The following INPP4B variants were observed in gnomAD, a reference collection of about 807,000 sequenced individuals.
INPP4B encodes inositol polyphosphate-4-phosphatase type II B.
A neutral mutation model predicts 122.5 loss-of-function variants in INPP4B; 55 were observed. That is an observed-to-expected ratio of 0.45 (90% CI 0.36 to 0.56). The LOEUF (loss-of-function observed/expected upper bound fraction) is 0.56. INPP4B is among the 20% of genes least tolerant of loss of function. The pLI is 0.00. For synonymous variants in INPP4B, 403 were observed against 388.7 expected (o/e 1.04, Z -0.43); for missense variants, 1,000 against 1,097.7 (o/e 0.91, Z 1.26).
At chr4:142,390,135 CAA>C (rs2148976129) in intron 7 of INPP4B, among the ~76,000 whole-genome samples, 1 of 152,138 alleles carries the variant, frequency 6.6e-6, no homozygotes, top group South Asian at 2.1e-4. Flanking sequence ...ACCATACGGT[CAA>C]ACTGATTAAG....
intron 2 of INPP4B, among the ~76,000 whole-genome samples, chr4:142,659,795 C>T (rs760777593): frequency 1.5e-4 from 23 of 152,304 alleles, no homozygotes; most frequent in Middle Eastern, 6.8e-3. Context: ...TCTCACAAGA[C>T]ATCCTTTCCT....
chr4:142,550,890 T>C (rs1036227005), intron 2 of INPP4B, among the ~76,000 whole-genome samples: 1 of 152,074 alleles, frequency 6.6e-6, no homozygotes, highest in African/African-American at 2.4e-5. Context: ...TCCTCAAGTA[T>C]AAAATGACAA....
At chr4:142,745,486 T>C (rs868806831) in intron 1 of INPP4B, among the ~76,000 whole-genome samples, 1 of 151,926 alleles carries the variant, frequency 6.6e-6, no homozygotes, top group Non-Finnish European at 1.5e-5. Flanking sequence ...AATGCTTTTA[T>C]GCTACAATGG....
At chr4:142,750,889 GA>G (rs1769584174) in intron 1 of INPP4B, among the ~76,000 whole-genome samples, 1 of 152,060 alleles carries the variant, frequency 6.6e-6, no homozygotes, top group Admixed American at 6.6e-5. Flanking sequence ...CATTTAATGT[GA>G]AACACATGGG....
At chr4:142,181,415 T>C (rs775666067) in intron 15 of INPP4B, among the ~76,000 whole-genome samples, 15 of 152,322 alleles carry the variant, frequency 9.8e-5, no homozygotes, top group Non-Finnish European at 1.9e-4. Context: ...AAACAAACAT[T>C]CAAAAATAAA....
At chr4:142,144,142 G>A (rs949936609) in intron 18 of INPP4B, among the ~76,000 whole-genome samples, 37 of 150,334 alleles carry the variant, frequency 2.5e-4, no homozygotes, top group African/African-American at 8.6e-4. Context: ...CTAATCTTAC[G>A]GCTGATTTAT....
intron 7 of INPP4B, among the ~76,000 whole-genome samples, chr4:142,337,832 A>G (rs1431480992): frequency 2.0e-5 from 3 of 148,816 alleles, no homozygotes; most frequent in Non-Finnish European, 4.5e-5. Flanking sequence ...TATGTGTTGC[A>G]TATTTCTTCC....
chr4:142,612,560 G>A (rs1742790697), intron 2 of INPP4B, among the ~76,000 whole-genome samples: 1 of 152,072 alleles, frequency 6.6e-6, no homozygotes, highest in Non-Finnish European at 1.5e-5. Flanking sequence ...CCCAATTCCT[G>A]GTTTACAGAA....
At chr4:142,826,863 G>A (rs1239502965) in intron 1 of INPP4B, among the ~76,000 whole-genome samples, 1 of 152,164 alleles carries the variant, frequency 6.6e-6, no homozygotes, top group Non-Finnish European at 1.5e-5. Flanking sequence ...GTTATTAAAA[G>A]CTCTTGGAAG....
Position 142,546,598 on chromosome 4 carries a change from C to T in INPP4B, c.-190-83872G>A, listed in dbSNP as rs116246326. 4.6e-3 allele frequency among the ~76,000 whole-genome samples: 693 copies of T among 152,128 alleles called. 6 individuals carry two copies. Among genetic ancestry groups the T allele is most frequent in the African/African-American group, 0.016 (650 of 41,520 alleles). The stretch of plus-strand genomic sequence containing the variant: ...GGAGAATTATGATTACGTGTCAACA[C>T]GGAGATATTCTAAGAGTCAAGCCTG... On this transcript the variant is annotated intron_variant, in intron 2 of 25. Coordinates refer to ENST00000262992, the MANE Select transcript of INPP4B (RefSeq NM_001101669.3).
At chr4:142,307,255 T>C (rs558374746) in intron 8 of INPP4B, among the ~76,000 whole-genome samples, 2 of 152,144 alleles carry the variant, frequency 1.3e-5, no homozygotes, top group Admixed American at 6.6e-5. Flanking sequence ...TCACCAGAGA[T>C]GCTCTCTAAG....
Position 142,708,531 on chromosome 4 carries a change from C to T in INPP4B, c.-191+17308G>A, listed in dbSNP as rs1007709068. ...GCTGTCTGCATCCCAGCCACTCCAGCTCCACCTGTGGCTAAAAGGGCCCCA... is the reference window on the plus strand; with the variant it reads ...GCTGTCTGCATCCCAGCCACTCCAGTTCCACCTGTGGCTAAAAGGGCCCCA... On this transcript the variant is annotated intron_variant, in intron 2 of 25. Transcript: ENST00000262992. Among the ~76,000 whole-genome samples, 53 of 152,276 alleles carry T rather than the reference C, an allele frequency of 3.5e-4. 1 individual carries two copies. The highest frequency in any genetic ancestry group is 3.1e-3 in the Admixed American group (47 of 15,290).
At chr4:142,140,346 C>A (rs1332951344) in intron 18 of INPP4B, among the ~76,000 whole-genome samples, 2 of 152,154 alleles carry the variant, frequency 1.3e-5, no homozygotes, top group Non-Finnish European at 2.9e-5. Context: ...CATTTCATGA[C>A]ATACTTGTGA....
At chr4:142,834,928 G>A (rs1007870856) in intron 1 of INPP4B, among the ~76,000 whole-genome samples, 8 of 152,168 alleles carry the variant, frequency 5.3e-5, no homozygotes, top group African/African-American at 1.4e-4. Context: ...ATGGAAATTC[G>A]AGAATCTTAA....
chr4:142,337,549 T>C (rs867079514), intron 7 of INPP4B, among the ~76,000 whole-genome samples: 5 of 150,644 alleles, frequency 3.3e-5, no homozygotes, highest in Admixed American at 6.6e-5. Flanking sequence ...ATTAATGAGG[T>C]CGATTCCCAA....
intron 2 of INPP4B, among the ~76,000 whole-genome samples, chr4:142,686,386 C>A (rs1759352872): frequency 6.6e-6 from 1 of 151,952 alleles, no homozygotes; most frequent in Admixed American, 6.6e-5. Flanking sequence ...AAGAAAAAAA[C>A]CCAAGTTCAG....
chr4:142,308,034 G>A (rs1249405692), intron 8 of INPP4B, among the ~76,000 whole-genome samples: 9 of 152,106 alleles, frequency 5.9e-5, no homozygotes, highest in South Asian at 2.1e-4. Context: ...ATTTATGACC[G>A]CAAGTCATTG....
At chr4:142,050,793 C>T (rs759141066) in intron 25 of INPP4B, among the ~76,000 whole-genome samples, 9 of 151,920 alleles carry the variant, frequency 5.9e-5, no homozygotes, top group Non-Finnish European at 8.8e-5. Context: ...CCCTTGGTAC[C>T]TACAGGTGGA....
intron 1 of INPP4B, among the ~76,000 whole-genome samples, chr4:142,736,895 T>A (rs537709082): frequency 6.6e-6 from 1 of 152,278 alleles, no homozygotes; most frequent in East Asian, 1.9e-4. Context: ...AAGGGAATGC[T>A]TCCAGTTTTT....
Sources: allele counts gnomAD v4.1 joint callset (sites outside exome capture counted in the v4.1 genomes callset), GRCh38; gene constraint gnomAD v4.1.1; transcripts MANE v1.5; gene names NCBI Gene and HGNC (gene_info 2026-07-23, HGNC 2026-07-21).